APC: variants seen among roughly 807,000 people sequenced by gnomAD.
The protein encoded by APC is adenomatous polyposis coli protein.
APC carries 72 observed loss-of-function variants against 247.0 expected under a neutral mutation model. The observed-to-expected ratio is 0.29, with a 90% CI of 0.24 to 0.35. The LOEUF is 0.35. APC is among the 10% of genes least tolerant of loss of function. The pLI, the probability that APC is intolerant of heterozygous loss-of-function variation, is 1.00. For synonymous variants in APC, 1,254 were observed against 1,162.5 expected, an observed-to-expected ratio of 1.08 and a Z score of -1.60; for missense variants, 3,400 against 3,360.7, an observed-to-expected ratio of 1.01 and a Z score of -0.29.
At chr5:112,755,191 T>C in intron 2 of APC, 166 bp downstream of exon 2, 2 of 542,328 alleles carry the variant, frequency 3.7e-6, no homozygotes, top group Non-Finnish European at 4.7e-6. Flanking sequence ...ATAAGATATA[T>C]TGAATTCATT....
At chr5:112,796,620 GA>G (rs976485674) in intron 7 of APC, among the ~76,000 whole-genome samples, 1 of 151,724 alleles carries the variant, frequency 6.6e-6, no homozygotes, top group East Asian at 1.9e-4. Context: ...AAAGGGCCAG[GA>G]AAAAAAGCAG....
chr5:112,832,841 C>CT (rs988508600), intron 14 of APC, among the ~76,000 whole-genome samples: 2 of 152,166 alleles, frequency 1.3e-5, no homozygotes, highest in Admixed American at 6.5e-5. Context: ...ATTTTTGTAT[C>CT]TTTTTTTCCC....
intron 11 of APC, among the ~76,000 whole-genome samples, chr5:112,826,569 C>A (rs1763677763): frequency 2.2e-5 from 3 of 135,932 alleles, no homozygotes; most frequent in Admixed American, 1.6e-4. Context: ...ATAAATTGAA[C>A]AGATGATCAT....
chr5:112,720,385 A>T (rs921678333), intron 1 of APC, among the ~76,000 whole-genome samples: 5 of 152,232 alleles, frequency 3.3e-5, no homozygotes, highest in African/African-American at 1.2e-4. Context: ...AGATTCAAAT[A>T]GCTTTTTGTT....
chr5:112,807,016 C>A (rs985400289), intron 8 of APC, among the ~76,000 whole-genome samples: 1 of 151,924 alleles, frequency 6.6e-6, no homozygotes, highest in Admixed American at 6.6e-5. Flanking sequence ...ATCTGTAATC[C>A]CAGCTACTTG....
At chr5:112,778,277 C>G (rs1412043146) in intron 5 of APC, 2 of 152,758 alleles carry the variant, frequency 1.3e-5, no homozygotes, top group Admixed American at 6.6e-5. Flanking sequence ...AAAAAAAATT[C>G]TAATCCTGTC....
chr5:112,827,821 T>C (rs1763857537), intron 12 of APC, 108 bp from the exon 13 acceptor site: 4 of 860,024 alleles, frequency 4.7e-6, no homozygotes, highest in East Asian at 5.2e-5. Flanking sequence ...GTATCAGTTA[T>C]GATTAAAACA....
intron 15 of APC, 66 bp from the exon 16 acceptor site, chr5:112,837,487 C>A: frequency 8.2e-7 from 1 of 1,214,670 alleles, no homozygotes. Flanking sequence ...GTCTTCTATC[C>A]TTTTATTTGT....
At chr5:112,722,375 C>T (rs964990685) in intron 1 of APC, among the ~76,000 whole-genome samples, 3 of 152,228 alleles carry the variant, frequency 2.0e-5, no homozygotes, top group Non-Finnish European at 2.9e-5. Flanking sequence ...TGTGTCTCAT[C>T]TTGGGAAATT....
intron 6 of APC, among the ~76,000 whole-genome samples, chr5:112,785,118 G>C (rs774303298): frequency 5.9e-5 from 9 of 152,156 alleles, no homozygotes; most frequent in Non-Finnish European, 1.2e-4. Flanking sequence ...TAATATGTTT[G>C]AGTAGCTTGC....
At chr5:112,717,903 T>C in intron 1 of APC, among the ~76,000 whole-genome samples, 1 of 116,978 alleles carries the variant, frequency 8.5e-6, no homozygotes, top group Non-Finnish European at 1.8e-5. Context: ...TTTCTTTTTC[T>C]TTTTCTTTTT....
chr5:112,788,255 C>G (rs1189562820), intron 6 of APC, among the ~76,000 whole-genome samples: 1 of 152,122 alleles, frequency 6.6e-6, no homozygotes, highest in Non-Finnish European at 1.5e-5. Flanking sequence ...ATGTAGTATT[C>G]TGCCTTATTA....
intron 1 of APC, among the ~76,000 whole-genome samples, chr5:112,747,723 A>C (rs947646929): frequency 3.9e-5 from 6 of 152,220 alleles, no homozygotes; most frequent in Non-Finnish European, 5.9e-5. Flanking sequence ...AAGATGAAGA[A>C]ATCGTGGGAA....
At chr5:112,761,881 A>G (rs1755714177) in intron 2 of APC, among the ~76,000 whole-genome samples, 1 of 152,226 alleles carries the variant, frequency 6.6e-6, no homozygotes, top group Non-Finnish European at 1.5e-5. Flanking sequence ...AAAATGTATA[A>G]GATAAACTTC....
upstream of APC, among the ~76,000 whole-genome samples, chr5:112,734,846 A>G (rs575818627): frequency 6.0e-5 from 9 of 149,980 alleles, no homozygotes; most frequent in South Asian, 1.9e-3. Context: ...GCTGGAGTAC[A>G]GTGGTGTGAT....
intron 1 of APC, among the ~76,000 whole-genome samples, chr5:112,725,421 T>C (rs944363509): frequency 2.6e-5 from 4 of 152,118 alleles, no homozygotes; most frequent in Non-Finnish European, 2.9e-5. Context: ...CAGCATATTC[T>C]TAATATCAGA....
intron 1 of APC, among the ~76,000 whole-genome samples, chr5:112,731,711 C>A (rs1752107899): frequency 3.9e-5 from 6 of 152,026 alleles, no homozygotes; most frequent in Admixed American, 3.9e-4. Flanking sequence ...GTGTTTATTT[C>A]TATTTCTTTG....
chr5:112,720,821 C>T (rs2149656075), intron 1 of APC, among the ~76,000 whole-genome samples: 1 of 152,170 alleles, frequency 6.6e-6, no homozygotes, highest in Non-Finnish European at 1.5e-5. Context: ...GCTGGTTTTC[C>T]CCCTTTCCTC....
At chr5:112,713,668 T>G (rs921497702) in intron 1 of APC, among the ~76,000 whole-genome samples, 6 of 152,148 alleles carry the variant, frequency 3.9e-5, no homozygotes, top group Non-Finnish European at 7.3e-5. Context: ...GTACATAGGA[T>G]TTCAGTGTTT....
Sources: gnomAD v4.1 joint callset for allele counts (sites outside exome capture counted in the v4.1 genomes callset) on GRCh38, gnomAD v4.1.1 for gene constraint, MANE v1.5 for transcripts, NCBI Gene and HGNC (gene_info 2026-07-23, HGNC 2026-07-21) for gene names.